GOLGA4: variants seen among roughly 807,000 people sequenced by gnomAD.
GOLGA4 encodes golgin A4, also known as golgin subfamily A member 4.
GOLGA4 carries 169 observed loss-of-function variants against 265.9 expected under a neutral mutation model. The ratio of observed to expected loss-of-function variants is 0.64; its 90% CI spans 0.56 to 0.72. GOLGA4 has a LOEUF of 0.72. Ranked by LOEUF, GOLGA4 falls within the 30% of genes least tolerant of loss-of-function variation. The pLI is 0.00. For missense variants in GOLGA4, 2,482 were observed against 2,483.4 expected (o/e 1.00, Z 0.01); for synonymous variants, 923 against 855.8 (o/e 1.08, Z -1.37).
chr3:37,323,482 T>C (rs762625099), intron 13 of GOLGA4, 106 bp from the exon 14 acceptor site: 6 of 663,070 alleles, frequency 9.0e-6, no homozygotes, highest in Non-Finnish European at 1.6e-5. Flanking sequence ...TAGTGTTTGG[T>C]ATGATAATTT....
chr3:37,316,647 AT>A (rs1466659930), intron 11 of GOLGA4, among the ~76,000 whole-genome samples: 1 of 152,212 alleles, frequency 6.6e-6, no homozygotes, highest in Non-Finnish European at 1.5e-5. Context: ...ATAATGTATT[AT>A]TTTGAAAGGT....
chr3:37,348,364 A>G (rs2097062712), intron 21 of GOLGA4, among the ~76,000 whole-genome samples: 1 of 152,222 alleles, frequency 6.6e-6, no homozygotes, highest in African/African-American at 2.4e-5. Context: ...GTGAACAGGT[A>G]TCACAGAAGG....
chr3:37,279,865 C>G (rs940121837), intron 2 of GOLGA4, among the ~76,000 whole-genome samples: 2 of 151,818 alleles, frequency 1.3e-5, no homozygotes, highest in African/African-American at 2.4e-5. Context: ...TGAGATCACG[C>G]CACTGCACTG....
Position 37,326,059 on chromosome 3 carries a change from A to G in GOLGA4, c.4173A>G (p.Glu1391=). The change falls in exon 14 of 24, where the codon GAA becomes GAG. Residue 1391 remains glutamate, a synonymous_variant. Coordinates refer to ENST00000361924, the MANE Select transcript of GOLGA4 (RefSeq NM_002078.5). ...VQLQNSISLS[E]KEAAISSLRK... Reference sequence around the variant, plus strand: ...TTCAAAATAGCATCAGCCTATCCGAAAAAGAAGCAGCCATTTCATCACTAA... The same window carrying G: ...TTCAAAATAGCATCAGCCTATCCGAGAAAGAAGCAGCCATTTCATCACTAA... 2 of 1,613,616 alleles carry G rather than the reference A, an allele frequency of 1.2e-6. No homozygotes were observed. Among genetic ancestry groups the G allele is most frequent in the East Asian group, 2.2e-5 (1 of 44,852 alleles).
In GOLGA4 at chr3:37,327,722, A is replaced by G. The variant is rs770910833; in HGVS notation, c.5836A>G (p.Ile1946Val). 5.0e-6 allele frequency: 8 copies of G among 1,613,624 alleles called. No homozygotes were observed. The East Asian group carries it at 8.9e-5, about 18-fold the overall frequency. Residue 1946 changes from isoleucine to valine, a missense_variant, in exon 14 of 24, where the codon ATT becomes GTT. Ile to Val is a conservative substitution (Grantham distance 29). Coordinates refer to ENST00000361924, the MANE Select transcript of GOLGA4 (RefSeq NM_002078.5). The stretch of plus-strand genomic sequence containing the variant: ...GGAGAAACAGAAACTGGGCAAGGAG[A>G]TTGTTAGATTGCAGAAAGACCTTCG... ...EREKQKLGKE[I>V]VRLQKDLRML... is the part of the protein sequence containing the mutation.
chr3:37,353,120 A>G lies in GOLGA4; in HGVS notation c.6577-1981A>G, dbSNP rs78727720. Among the ~76,000 whole-genome samples the G allele has an allele frequency of 1.3e-4, 20 of 152,182 alleles. No homozygotes were observed. In the East Asian group the frequency reaches 3.7e-3, roughly 28 times the overall value. On this transcript the variant is annotated intron_variant, in intron 21 of 23. Transcript: ENST00000361924. ...GCAACATTTTTGGATTAAGTCCACTATCTTATATGGGCATGGTTTGTGGTG... is the reference window on the plus strand; with the variant it reads ...GCAACATTTTTGGATTAAGTCCACTGTCTTATATGGGCATGGTTTGTGGTG...
intron 2 of GOLGA4, among the ~76,000 whole-genome samples, chr3:37,253,071 A>AG (rs2096738480): frequency 6.6e-6 from 1 of 152,078 alleles, no homozygotes; most frequent in African/African-American, 2.4e-5. Context: ...CAACAGAGTG[A>AG]GACCCTGTTT....
chr3:37,322,577 G>C (rs930208453), intron 13 of GOLGA4, among the ~76,000 whole-genome samples: 1 of 152,032 alleles, frequency 6.6e-6, no homozygotes, highest in Non-Finnish European at 1.5e-5. Context: ...ACTTGCAAAA[G>C]GTTCCATGGT....
chr3:37,308,654 C>T (rs960085430), intron 10 of GOLGA4, among the ~76,000 whole-genome samples: 5 of 151,504 alleles, frequency 3.3e-5, no homozygotes, highest in Non-Finnish European at 5.9e-5. Flanking sequence ...CTCACTCTGT[C>T]GCCCAGGCTG....
intron 2 of GOLGA4, among the ~76,000 whole-genome samples, chr3:37,268,385 A>G (rs2096789240): frequency 6.6e-6 from 1 of 152,046 alleles, no homozygotes; most frequent in African/African-American, 2.4e-5. Flanking sequence ...TGTCTGGCCC[A>G]ATTTACTTTG....
Position 37,281,917 on chromosome 3 carries a change from A to G in GOLGA4, c.163-41A>G, listed in dbSNP as rs369143567. 3.5e-5 allele frequency: 48 copies of G among 1,358,154 alleles called. 1 individual carries two copies. Among genetic ancestry groups the G allele is most frequent in the Non-Finnish European group, 4.7e-5 (45 of 966,774 alleles). The allele number at this position is 1,358,154 out of a possible 1,614,324, so 84.1% of individuals were successfully genotyped here. A position where few individuals can be genotyped will look rare whatever the true frequency, so the allele number is the denominator to read the frequency against. On this transcript the variant is annotated intron_variant, in intron 2 of 23. Transcript: ENST00000361924. Reference sequence around the variant, plus strand: ...GATGGGGTAATGGAAGTCTAAATGTATGTATTTTAATCCACACATTCTGTT... The same window carrying G: ...GATGGGGTAATGGAAGTCTAAATGTGTGTATTTTAATCCACACATTCTGTT...
intron 4 of GOLGA4, 151 bp downstream of exon 4, chr3:37,286,212 G>A (rs2096848831): frequency 6.6e-6 from 3 of 455,424 alleles, no homozygotes; most frequent in Non-Finnish European, 3.8e-6. Flanking sequence ...GGACTGCAGT[G>A]GCGCAATCTC....
Position 37,359,695 on chromosome 3 carries a change from G to A in GOLGA4, c.6664-1548G>A, listed in dbSNP as rs115107934. 2.4e-3 allele frequency among the ~76,000 whole-genome samples: 372 copies of A among 151,938 alleles called. 1 individual carries two copies. The highest frequency in any genetic ancestry group is 8.4e-3 in the African/African-American group (348 of 41,430). Reference sequence around the variant, plus strand: ...TGGACCAGTCTTGTGTTCTCTTAACGTCTCATTTTCTTCCCCTGTTGGAAT... The same window carrying A: ...TGGACCAGTCTTGTGTTCTCTTAACATCTCATTTTCTTCCCCTGTTGGAAT... On this transcript the variant is annotated intron_variant, in intron 22 of 23. Coordinates refer to ENST00000361924, the MANE Select transcript of GOLGA4 (RefSeq NM_002078.5).
At chr3:37,245,596 C>T (rs959316862) in intron 1 of GOLGA4, among the ~76,000 whole-genome samples, 3 of 152,040 alleles carry the variant, frequency 2.0e-5, no homozygotes, top group Non-Finnish European at 4.4e-5. Flanking sequence ...TGTTTTTGTT[C>T]ATTAACAAAG....
intron 20 of GOLGA4, among the ~76,000 whole-genome samples, chr3:37,341,442 A>G (rs534696774): frequency 3.3e-5 from 5 of 152,194 alleles, no homozygotes; most frequent in Non-Finnish European, 7.4e-5. Context: ...GAAAGCTCTC[A>G]TTACTATCAA....
Position 37,347,264 on chromosome 3 carries a change from C to A in GOLGA4, c.6544C>A (p.Leu2182Ile), listed in dbSNP as rs769120473. The change falls in exon 21 of 24, where the codon CTT becomes ATT. Residue 2182 changes from leucine (L) to isoleucine (I), a missense_variant. Transcript: ENST00000361924. The stretch of plus-strand genomic sequence containing the variant: ...CGAATTTGAGTATTTGCGAAAAGTG[C>A]TTTTTGAGTATATGATGGGTCGTGA... ...PTEFEYLRKVLFEYMMGRETK... is the reference protein window; with the variant it reads ...PTEFEYLRKVIFEYMMGRETK... 1.2e-6 allele frequency: 2 copies of A among 1,609,486 alleles called. No individual in the cohort carries two copies. Among genetic ancestry groups the A allele is most frequent in the South Asian group, 1.1e-5 (1 of 90,986 alleles).
At chr3:37,278,503 T>G (rs1449157151) in intron 2 of GOLGA4, among the ~76,000 whole-genome samples, 1 of 152,168 alleles carries the variant, frequency 6.6e-6, no homozygotes, top group Non-Finnish European at 1.5e-5. Context: ...ACACCTGGCC[T>G]AAAATCCATA....
At chr3:37,333,517 G>T (rs1187597490) in intron 16 of GOLGA4, among the ~76,000 whole-genome samples, 1 of 152,142 alleles carries the variant, frequency 6.6e-6, no homozygotes, top group Non-Finnish European at 1.5e-5. Context: ...GTATCCCACA[G>T]ATGTCAAAGG....
chr3:37,280,663 A>G (rs890975616), intron 2 of GOLGA4, among the ~76,000 whole-genome samples: 11 of 152,112 alleles, frequency 7.2e-5, no homozygotes, highest in African/African-American at 2.7e-4. Flanking sequence ...ACTTCTTTCC[A>G]TATGTTATTG....
Sources: allele counts gnomAD v4.1 joint callset (sites outside exome capture counted in the v4.1 genomes callset), GRCh38; gene constraint gnomAD v4.1.1; transcripts MANE v1.5; gene names NCBI Gene and HGNC (gene_info 2026-07-23, HGNC 2026-07-21).